The following CCDC30 variants were observed in gnomAD, a reference collection of about 807,000 sequenced individuals.
CCDC30 encodes coiled-coil domain-containing protein 30.
A neutral mutation model predicts 100.2 loss-of-function variants in CCDC30; 70 were observed. That is an observed-to-expected ratio of 0.70 (90% confidence interval 0.58 to 0.85). CCDC30 has a LOEUF of 0.85. Among genes scored for constraint, CCDC30 ranks in the 40% least tolerant of loss-of-function variants. The probability of loss-of-function intolerance (pLI) is 0.00; values close to 1 mark genes in which losing one functional copy is unlikely to be tolerated. For synonymous variants in CCDC30, 233 were observed against 269.5 expected (o/e 0.86, Z 1.33); for missense variants, 652 against 771.2 (o/e 0.85, Z 1.83).
intron 12 of CCDC30, 145 bp downstream of exon 16, chr1:42,637,523 T>G: frequency 1.3e-6 from 1 of 742,478 alleles, no homozygotes; most frequent in Non-Finnish European, 2.2e-6. Flanking sequence ...TTTCAATAAG[T>G]AATTCTTTAA....
At chr1:42,647,242 G>A (rs9787140) in intron 15 of CCDC30, among the ~76,000 whole-genome samples, 148,478 of 152,292 alleles carry the variant, frequency 0.97, 72,503 homozygotes, top group East Asian at 1. Context: ...AAAGGAGTGG[G>A]AAAAGATATT....
rs112909453 is a variant in CCDC30, at chr1:42,578,945, G to T, written c.846+1716G>T. On this transcript the variant is annotated intron_variant, in intron 8 of 16. Transcript: ENST00000668663. ...AGCATCCAGGCTACTCTGCCTATGG[G>T]GTAGCCCTGCTGTGTCTATGGAACA... 6.9e-3 allele frequency among the ~76,000 whole-genome samples: 1,044 copies of T among 152,218 alleles called. 8 individuals carry two copies. The highest frequency in any genetic ancestry group is 0.023 in the African/African-American group (973 of 41,536).
chr1:42,606,564 C>T (rs540658851), intron 10 of CCDC30, among the ~76,000 whole-genome samples: 7 of 152,352 alleles, frequency 4.6e-5, no homozygotes, highest in Non-Finnish European at 1.0e-4. Context: ...CAAGTATCCT[C>T]TTAAAATGCC....
chr1:42,492,319 C>A, intron 4 of CCDC30: 1 of 198,560 alleles, frequency 5.0e-6, no homozygotes, highest in Non-Finnish European at 1.0e-5. Flanking sequence ...AAAAGCTTTG[C>A]CTATCTATTT....
chr1:42,517,165 C>T (rs1644567650), intron 6 of CCDC30, among the ~76,000 whole-genome samples: 1 of 152,132 alleles, frequency 6.6e-6, no homozygotes, highest in Non-Finnish European at 1.5e-5. Flanking sequence ...CTCACCGTAA[C>T]CTCCAACTCC....
At chr1:42,608,716 C>CA (rs3044834) in intron 10 of CCDC30, among the ~76,000 whole-genome samples, 18,305 of 55,284 alleles carry the variant, frequency 0.33, 3,944 homozygotes, top group Non-Finnish European at 0.39. Flanking sequence ...CTCTCTGTCT[C>CA]AAAAAAAAAA....
intron 6 of CCDC30, among the ~76,000 whole-genome samples, chr1:42,505,544 T>C (rs1386421344): frequency 6.6e-6 from 1 of 152,244 alleles, no homozygotes; most frequent in African/African-American, 2.4e-5. Context: ...ATGTTGTTTG[T>C]AGAATAAAGT....
At chr1:42,461,334 T>G (rs948505453), upstream of CCDC30, among the ~76,000 whole-genome samples, 2 of 152,128 alleles carry the variant, frequency 1.3e-5, no homozygotes, top group African/African-American at 2.4e-5. Flanking sequence ...GCAGTCCCTT[T>G]GAACAAAAAA....
chr1:42,496,122 A>AGTGT (rs56267063), intron 4 of CCDC30, among the ~76,000 whole-genome samples: 53 of 147,414 alleles, frequency 3.6e-4, no homozygotes, highest in East Asian at 3.6e-3. Context: ...TTATTTGTGG[A>AGTGT]GTGTGTGTGT....
chr1:42,502,493 C>T (rs1461446696), intron 6 of CCDC30, among the ~76,000 whole-genome samples: 4 of 152,174 alleles, frequency 2.6e-5, no homozygotes, highest in African/African-American at 4.8e-5. Context: ...TCTGAGAAGC[C>T]CCAGTAAGAT....
chr1:42,642,737 C>A, intron 13 of CCDC30, 128 bp downstream of exon 17: 1 of 889,064 alleles, frequency 1.1e-6, no homozygotes, highest in Non-Finnish European at 1.6e-6. Context: ...CCGCTGTCTG[C>A]TGTTTTTGGC....
intron 6 of CCDC30, among the ~76,000 whole-genome samples, chr1:42,549,702 T>A (rs1645211393): frequency 6.6e-6 from 1 of 152,132 alleles, no homozygotes; most frequent in Admixed American, 6.5e-5. Context: ...TTTGAGTAAA[T>A]GAAAATTTCC....
intron 6 of CCDC30, among the ~76,000 whole-genome samples, chr1:42,556,864 GCAC>G (rs1230890148): frequency 6.6e-6 from 1 of 152,206 alleles, no homozygotes; most frequent in African/African-American, 2.4e-5. Flanking sequence ...ATGGTAGGAT[GCAC>G]CACATTTTCC....
At chr1:42,536,407 T>G (rs1644905173) in intron 6 of CCDC30, 69 bp from the exon 7 acceptor site, 2 of 973,460 alleles carry the variant, frequency 2.1e-6, no homozygotes, top group African/African-American at 1.6e-5. Flanking sequence ...TAGAAAGTTG[T>G]TATTATCAGA....
intron 10 of CCDC30, among the ~76,000 whole-genome samples, chr1:42,604,393 C>T (rs1407039745): frequency 6.6e-6 from 1 of 152,118 alleles, no homozygotes; most frequent in Admixed American, 6.5e-5. Flanking sequence ...ATCAATAGCC[C>T]TCACTCCTCA....
chr1:42,626,472 G>C (rs1646935967), intron 11 of CCDC30, among the ~76,000 whole-genome samples: 1 of 152,072 alleles, frequency 6.6e-6, no homozygotes, highest in South Asian at 2.1e-4. Flanking sequence ...TAGTGAAGGT[G>C]ATTTTCTCTG....
intron 11 of CCDC30, among the ~76,000 whole-genome samples, chr1:42,634,127 C>A (rs1339146032): frequency 3.3e-5 from 5 of 151,962 alleles, no homozygotes; most frequent in African/African-American, 1.2e-4. Flanking sequence ...GATAAGATTT[C>A]GGTGAGGAGA....
intron 7 of CCDC30, among the ~76,000 whole-genome samples, chr1:42,568,537 C>T (rs919854138): frequency 2.0e-5 from 3 of 152,122 alleles, no homozygotes; most frequent in Non-Finnish European, 2.9e-5. Flanking sequence ...AAGTTTGTTT[C>T]TCTCTTTCCT....
At chr1:42,597,900 G>A (rs1646323426) in intron 10 of CCDC30, among the ~76,000 whole-genome samples, 1 of 151,876 alleles carries the variant, frequency 6.6e-6, no homozygotes, top group South Asian at 2.1e-4. Flanking sequence ...GCTCACACCT[G>A]TAATCCCAGC....
Sources: gnomAD v4.1 joint callset for allele counts (sites outside exome capture counted in the v4.1 genomes callset) on GRCh38, gnomAD v4.1.1 for gene constraint, MANE v1.5 for transcripts, NCBI Gene and HGNC (gene_info 2026-07-23, HGNC 2026-07-21) for gene names.